The following KDM4C variants were observed in gnomAD, a reference collection of about 807,000 sequenced individuals.
The protein encoded by KDM4C is lysine demethylase 4C, also known as lysine-specific demethylase 4C.
Under a neutral mutation model 129.3 loss-of-function variants are expected in KDM4C, and 81 were observed. The ratio of observed to expected loss-of-function variants is 0.63; its 90% CI spans 0.52 to 0.75. The LOEUF (loss-of-function observed/expected upper bound fraction) is 0.75, where lower values mean the gene tolerates loss of function less well. Ranked by LOEUF, KDM4C falls within the 30% of genes least tolerant of loss-of-function variation. The pLI is 0.00. For synonymous variants in KDM4C, 573 were observed against 456.1 expected (o/e 1.26, Z -3.26); for missense variants, 1,457 against 1,304.0 (o/e 1.12, Z -1.81).
At chr9:7,045,958 C>T (rs1353812258) in intron 15 of KDM4C, among the ~76,000 whole-genome samples, 4 of 151,958 alleles carry the variant, frequency 2.6e-5, no homozygotes, top group African/African-American at 4.8e-5. Flanking sequence ...CTTTAGTGGA[C>T]AGGGTAAAGA....
chr9:6,814,098 A>T (rs114198524), intron 3 of KDM4C, among the ~76,000 whole-genome samples: 202 of 152,284 alleles, frequency 1.3e-3, no homozygotes, highest in African/African-American at 4.7e-3. Context: ...GAAAAATTAT[A>T]TGCTGGAATG....
At chr9:6,729,049 C>CA in intron 1 of KDM4C, among the ~76,000 whole-genome samples, 1 of 150,222 alleles carries the variant, frequency 6.7e-6, no homozygotes, top group East Asian at 2.0e-4. Flanking sequence ...ACTAAAAATA[C>CA]AAAAAATTAG....
chr9:7,066,246 G>A (rs1832407564), intron 17 of KDM4C, among the ~76,000 whole-genome samples: 1 of 152,100 alleles, frequency 6.6e-6, no homozygotes, highest in Non-Finnish European at 1.5e-5. Flanking sequence ...GGCATAAGAT[G>A]GACAGGTCAT....
chr9:6,903,063 C>G (rs1200420765), intron 8 of KDM4C, among the ~76,000 whole-genome samples: 1 of 152,120 alleles, frequency 6.6e-6, no homozygotes, highest in Non-Finnish European at 1.5e-5. Flanking sequence ...TTTCCCACAT[C>G]AGTTTCATAT....
intron 1 of KDM4C, among the ~76,000 whole-genome samples, chr9:6,787,700 C>T (rs1486687002): frequency 1.3e-5 from 2 of 152,232 alleles, no homozygotes; most frequent in Non-Finnish European, 2.9e-5. Context: ...GTGTAAATTG[C>T]CTCCTTGTCG....
intron 19 of KDM4C, among the ~76,000 whole-genome samples, chr9:7,162,466 C>G (rs1281372432): frequency 6.6e-6 from 1 of 152,190 alleles, no homozygotes; most frequent in Non-Finnish European, 1.5e-5. Flanking sequence ...TAAAAGATAT[C>G]TAACTATCTC....
chr9:7,010,567 T>C (rs75604476), intron 12 of KDM4C, among the ~76,000 whole-genome samples: 6,448 of 152,314 alleles, frequency 0.042, 311 homozygotes, highest in East Asian at 0.26. Flanking sequence ...AAGCTACTTA[T>C]GCAGATATTT....
At chr9:6,725,834 C>G (rs1477337232) in intron 1 of KDM4C, among the ~76,000 whole-genome samples, 2 of 151,362 alleles carry the variant, frequency 1.3e-5, no homozygotes, top group Admixed American at 6.6e-5. Context: ...TTCAGCCTCC[C>G]AAGTAGCTGG....
At chr9:6,986,228 TGC>T in intron 10 of KDM4C, 114 bp from the exon 11 acceptor site, 1 of 611,778 alleles carries the variant, frequency 1.6e-6, no homozygotes, top group Non-Finnish European at 2.8e-6. Flanking sequence ...TGTATGTGCA[TGC>T]GCATGCGTGT....
chr9:6,870,684 G>C (rs573601240), intron 5 of KDM4C, among the ~76,000 whole-genome samples: 3 of 152,118 alleles, frequency 2.0e-5, no homozygotes, highest in Non-Finnish European at 4.4e-5. Flanking sequence ...GGGGCCGGGG[G>C]ATCATTTTGG....
At chr9:7,039,343 T>C (rs4742288) in intron 15 of KDM4C, among the ~76,000 whole-genome samples, 8,449 of 152,160 alleles carry the variant, frequency 0.056, 263 homozygotes, top group South Asian at 0.097. Flanking sequence ...TTAGGAGTAA[T>C]CTGCTATTCA....
At chr9:6,777,369 CATGTTAAGTACTTAA>C (rs1296059023) in intron 1 of KDM4C, among the ~76,000 whole-genome samples, 1 of 152,128 alleles carries the variant, frequency 6.6e-6, no homozygotes, top group African/African-American at 2.4e-5. Flanking sequence ...TCTTGATGTT[CATGTTAAGTACTTAA>C]ATGTTAGCTG....
chr9:6,919,171 T>G lies in KDM4C; in HGVS notation c.921+25939T>G, dbSNP rs578229856. ...CAGCCTACTCACTTTTCATTGGGGT[T>G]GTTTTTTGCTTGTTGTTTTAAGTTT... is the stretch of plus-strand genomic sequence containing the variant. On this transcript the variant is annotated intron_variant, in intron 8 of 21. Coordinates refer to ENST00000381309, the MANE Select transcript of KDM4C (RefSeq NM_015061.6). Among the ~76,000 whole-genome samples, 7 of 152,232 alleles carry G rather than the reference T, an allele frequency of 4.6e-5. No individual in the cohort carries two copies. The East Asian group carries it at 1.4e-3, about 29-fold the overall frequency.
chr9:6,888,657 A>T (rs1425037964), intron 7 of KDM4C, among the ~76,000 whole-genome samples: 1 of 152,144 alleles, frequency 6.6e-6, no homozygotes, highest in Non-Finnish European at 1.5e-5. Context: ...AAACATTTTT[A>T]TGTGAAGCAG....
chr9:6,784,104 T>C (rs1241384714), intron 1 of KDM4C, among the ~76,000 whole-genome samples: 1 of 152,168 alleles, frequency 6.6e-6, no homozygotes, highest in Non-Finnish European at 1.5e-5. Flanking sequence ...GATGTTACTA[T>C]AGCCTGGCAA....
intron 17 of KDM4C, among the ~76,000 whole-genome samples, chr9:7,100,757 C>G (rs1177869463): frequency 6.6e-6 from 1 of 151,848 alleles, no homozygotes; most frequent in East Asian, 1.9e-4. Context: ...TCCTTTTTTT[C>G]TTTCTTTTTT....
intron 17 of KDM4C, among the ~76,000 whole-genome samples, chr9:7,100,249 G>C (rs894980794): frequency 5.3e-5 from 8 of 152,292 alleles, no homozygotes; most frequent in African/African-American, 1.4e-4. Flanking sequence ...ACAAAGAATT[G>C]TCAGTGTCTC....
chr9:6,797,478 C>G (rs1214581116), intron 2 of KDM4C, among the ~76,000 whole-genome samples: 3 of 146,340 alleles, frequency 2.1e-5, no homozygotes, highest in East Asian at 3.8e-4. Context: ...GACACTTTGA[C>G]TGTCTACAAA....
At chr9:6,732,238 GC>G (rs1817367255) in intron 1 of KDM4C, among the ~76,000 whole-genome samples, 1 of 151,268 alleles carries the variant, frequency 6.6e-6, no homozygotes, top group Admixed American at 6.6e-5. Flanking sequence ...GGTGGTGGGC[GC>G]CTGTAGTCCC....
Sources: gnomAD v4.1 joint callset for allele counts (sites outside exome capture counted in the v4.1 genomes callset) on GRCh38, gnomAD v4.1.1 for gene constraint, MANE v1.5 for transcripts, NCBI Gene and HGNC (gene_info 2026-07-23, HGNC 2026-07-21) for gene names.